Variants in CC2D1A observed in about 807,000 individuals in gnomAD.
CC2D1A encodes the protein coiled-coil and C2 domain containing 1A.
In CC2D1A, 68 loss-of-function variants were observed where a neutral mutation model predicts 123.8. That is an observed-to-expected ratio of 0.55 (90% CI 0.45 to 0.67). The LOEUF is 0.67. Ranked by LOEUF, CC2D1A falls within the 30% of genes least tolerant of loss-of-function variation. The probability of loss-of-function intolerance (pLI) is 0.00; values close to 1 mark genes in which losing one functional copy is unlikely to be tolerated. For synonymous variants in CC2D1A, 477 were observed against 528.0 expected (o/e 0.90, Z 1.32); for missense variants, 1,185 against 1,290.3 (o/e 0.92, Z 1.25).
rs1234572411 is a variant in CC2D1A, at chr19:13,930,403, A to G, written c.*8A>G. 1.2e-6 allele frequency: 2 copies of G among 1,605,720 alleles called. No individual in the cohort carries two copies. Among genetic ancestry groups the G allele is most frequent in the Admixed American group, 1.7e-5 (1 of 59,022 alleles). On this transcript the variant is annotated 3_prime_UTR_variant, in exon 29 of 29. Coordinates refer to ENST00000318003, the MANE Select transcript of CC2D1A (RefSeq NM_017721.5). The surrounding 1 kb of genome is among the most constrained non-coding windows in gnomAD (Gnocchi z 6.8). ...CAGCGGCTCCGCAGGTGAGGAGCCC[A>G]TGGGGCGGGCAGCCCCCAGAAAGCG...
rs1044802547 is a variant in CC2D1A, at chr19:13,920,034, G to A, written c.1356+83G>A. 17 of 1,414,208 alleles carry A rather than the reference G, an allele frequency of 1.2e-5. No individual in the cohort carries two copies. The African/African-American group carries it at 2.2e-4, about 18-fold the overall frequency. 87.6% of individuals were successfully genotyped at this position (1,414,208 alleles called of 1,614,324 possible). On this transcript the variant is annotated intron_variant, in intron 12 of 28. Coordinates refer to ENST00000318003, the MANE Select transcript of CC2D1A (RefSeq NM_017721.5). ...ATCCAAGATGGGAGGATCGCTTGAGGCCAGGAGTTTGAGACCATCCTGGGC... is the reference window on the plus strand; with the variant it reads ...ATCCAAGATGGGAGGATCGCTTGAGACCAGGAGTTTGAGACCATCCTGGGC...
At position 13,913,249 on chromosome 19, in the gene CC2D1A, G is replaced by T. The variant is rs202025962; in HGVS notation, c.460G>T (p.Ala154Ser). ...LALYQTAIESARQAGDSAKMR... is the reference protein window; with the variant it reads ...LALYQTAIESSRQAGDSAKMR... ...GCTCTATCAGACAGCAATTGAAAGC[G>T]CCAGACAAGCTGGAGACAGCGCCAA... The change falls in exon 5 of 29, where the codon GCC becomes TCC. Residue 154 changes from alanine (A) to serine (S), a missense_variant. By Grantham distance (99) the Ala-to-Ser change is moderately conservative. Coordinates refer to ENST00000318003, the MANE Select transcript of CC2D1A (RefSeq NM_017721.5). The T allele has an allele frequency of 6.2e-7, 1 of 1,613,736 alleles. No homozygotes were observed. The highest frequency in any genetic ancestry group is 1.7e-5 in the Admixed American group (1 of 59,980).
rs368685699 is a variant in CC2D1A, at chr19:13,913,502, G to A, written c.612G>A (p.Thr204=). 6 of 1,614,038 alleles carry A rather than the reference G, an allele frequency of 3.7e-6. No homozygotes were observed. Among genetic ancestry groups the A allele is most frequent in the South Asian group, 2.2e-5 (2 of 91,086 alleles). ...PVAIGKGPAS[T]PTYSPAPTQP... is the part of the protein sequence containing the mutation. The stretch of plus-strand genomic sequence containing the variant: ...CCATAGGAAAAGGCCCGGCGTCCAC[G>A]CCTACCTACAGCCCTGCACCCACCC... Residue 204 remains threonine, a synonymous_variant, in exon 6 of 29, where the codon ACG becomes ACA. Transcript: ENST00000318003.
In CC2D1A at chr19:13,930,557, CG is replaced by C. The variant is rs1256239710; in HGVS notation, c.*165del. On this transcript the variant is annotated 3_prime_UTR_variant, in exon 29 of 29. Coordinates refer to ENST00000318003, the MANE Select transcript of CC2D1A (RefSeq NM_017721.5). The surrounding 1 kb of genome is among the most constrained non-coding windows in gnomAD (Gnocchi z 6.8). ...AGCCCCGCCAGAGCCTCCGTGGCTG[CG>C]GGTGTTGGGAACCATGCCTGCCAGC... 14 of 788,356 alleles carry C rather than the reference CG, an allele frequency of 1.8e-5. No homozygotes were observed. The East Asian group carries it at 3.8e-4, about 21-fold the overall frequency. The allele number at this position is 788,356 out of a possible 1,614,324, so 48.8% of individuals were successfully genotyped here.
At chr19:13,926,041 TATAC>T (rs764723930) in intron 17 of CC2D1A, among the ~76,000 whole-genome samples, 1,414 of 84,124 alleles carry the variant, frequency 0.017, 28 homozygotes, top group South Asian at 0.04. Flanking sequence ...TATATATATA[TATAC>T]ACGTATATAT....
In CC2D1A at chr19:13,906,621, C is replaced by T; in HGVS notation, c.60+120C>T. On this transcript the variant is annotated intron_variant, in intron 1 of 28. Coordinates refer to ENST00000318003, the MANE Select transcript of CC2D1A (RefSeq NM_017721.5). The surrounding 1 kb of genome is among the most constrained non-coding windows in gnomAD (Gnocchi z 4.1). ...CGCCCCACAGGTAAGCCCCGGTCCC[C>T]GCCTCCCCCCAGGTGAGGCTCCAAC... 1 of 577,420 alleles carries T rather than the reference C, an allele frequency of 1.7e-6. No homozygotes were observed. Among genetic ancestry groups the T allele is most frequent in the Non-Finnish European group, 2.9e-6 (1 of 350,842 alleles). 35.8% of individuals were successfully genotyped at this position (577,420 alleles called of 1,614,324 possible). A position where few individuals can be genotyped will look rare whatever the true frequency, so the allele number is the denominator to read the frequency against.
At chr19:13,920,398 A>AC in intron 12 of CC2D1A, 159 bp from the exon 13 acceptor site, 2 of 608,444 alleles carry the variant, frequency 3.3e-6, no homozygotes, top group South Asian at 3.9e-5. Context: ...AAAAAAAAAA[A>AC]GGTGTTTGGG....
At chr19:13,912,006 C>T (rs899813650) in intron 2 of CC2D1A, among the ~76,000 whole-genome samples, 4 of 151,880 alleles carry the variant, frequency 2.6e-5, no homozygotes, top group African/African-American at 7.3e-5. Context: ...TGAGCCACTG[C>T]GCCCAGCCTA....
Position 13,923,839 on chromosome 19 carries a change from CGTGGCCCCA to C in CC2D1A, c.1940+36_1940+44del, listed in dbSNP as rs1971500171. 1 of 1,556,420 alleles carries C rather than the reference CGTGGCCCCA, an allele frequency of 6.4e-7. No homozygotes were observed. Among genetic ancestry groups the C allele is most frequent in the Admixed American group, 1.7e-5 (1 of 59,816 alleles). On this transcript the variant is annotated intron_variant, in intron 17 of 28. Transcript: ENST00000318003. This position sits in a 1 kb window ranked among gnomAD's most constrained non-coding sequence, Gnocchi z 5.3. ...AAGGCTCCTGATCTACGCCCCACCA[CGTGGCCCCA>C]GTGGCCCTTTGGTGGCGGTGGGGCG...
Position 13,913,496 on chromosome 19 carries a change from G to A in CC2D1A, c.606G>A (p.Ala202=), listed in dbSNP as rs557346390. The A allele has an allele frequency of 1.1e-5, 17 of 1,614,176 alleles. No individual in the cohort carries two copies. The African/African-American group carries it at 1.7e-4, about 16-fold the overall frequency. ...CAGTGGCCATAGGAAAAGGCCCGGC[G>A]TCCACGCCTACCTACAGCCCTGCAC... ...PPPVAIGKGP[A]STPTYSPAPT... is the part of the protein sequence containing the mutation. Residue 202 remains alanine, a synonymous_variant, in exon 6 of 29, where the codon GCG becomes GCA. Coordinates refer to ENST00000318003, the MANE Select transcript of CC2D1A (RefSeq NM_017721.5).
chr19:13,918,357 G>GT, intron 7 of CC2D1A, 147 bp from the exon 8 acceptor site: 1 of 1,082,678 alleles, frequency 9.2e-7, no homozygotes, highest in Non-Finnish European at 1.3e-6. Flanking sequence ...AAATGGGCAC[G>GT]TGTGTTGGAA....
chr19:13,917,987 T>G (rs921278723), intron 6 of CC2D1A, 83 bp from the exon 7 acceptor site: 4 of 1,426,652 alleles, frequency 2.8e-6, no homozygotes. Flanking sequence ...AAAAAAAAAA[T>G]TAAATAAATA....
At chr19:13,926,038 ATATATACACGTATATATATG>A (rs1344818232) in intron 17 of CC2D1A, among the ~76,000 whole-genome samples, 4 of 90,202 alleles carry the variant, frequency 4.4e-5, no homozygotes, top group African/African-American at 1.3e-4. Flanking sequence ...GTATATATAT[ATATATACACGTATATATATG>A]TATATATACA....
At position 13,927,918 on chromosome 19, in the gene CC2D1A, G is replaced by A. The variant is rs77389229; in HGVS notation, c.2342G>A (p.Gly781Glu). The A allele has an allele frequency of 2.4e-4, 392 of 1,613,626 alleles. No homozygotes were observed. The highest frequency in any genetic ancestry group is 3.3e-4 in the Admixed American group (20 of 60,006). ...GTCCTGGATGGTCGCCGGCCCACAGGGGGGCGACTGGAGGTAATGGTCCGG... is the reference window on the plus strand; with the variant it reads ...GTCCTGGATGGTCGCCGGCCCACAGAGGGGCGACTGGAGGTAATGGTCCGG... ...LEVLDGRRPT[G>E]GRLEVMVRIR... Residue 781 changes from glycine to glutamate, a missense_variant, in exon 23 of 29, where the codon GGG (glycine) becomes GAG (glutamate). Transcript: ENST00000318003.
In CC2D1A at chr19:13,926,711, C is replaced by T. The variant is rs200599375; in HGVS notation, c.2059C>T (p.Pro687Ser). Residue 687 changes from proline (P) to serine (S), a missense_variant, in exon 19 of 29, where the codon CCC (proline) becomes TCC (serine). Pro to Ser is a moderately conservative substitution (Grantham distance 74). Coordinates refer to ENST00000318003, the MANE Select transcript of CC2D1A (RefSeq NM_017721.5). ...GGATGTCTTTGTTCGGTTTGACTTC[C>T]CCTATCCCAACGTGGTACGTGGGGA... ...DLDVFVRFDF[P>S]YPNVEEAQKD... 1.9e-6 allele frequency: 3 copies of T among 1,614,150 alleles called. No homozygotes were observed. Among genetic ancestry groups the T allele is most frequent in the Non-Finnish European group, 2.5e-6 (3 of 1,180,036 alleles).
chr19:13,912,003 C>T (rs1485507964), intron 2 of CC2D1A, among the ~76,000 whole-genome samples: 1 of 152,152 alleles, frequency 6.6e-6, no homozygotes, highest in East Asian at 1.9e-4. Context: ...GCGTGAGCCA[C>T]TGCGCCCAGC....
intron 17 of CC2D1A, among the ~76,000 whole-genome samples, chr19:13,925,280 A>C (rs1971551808): frequency 6.6e-6 from 1 of 152,152 alleles, no homozygotes; most frequent in Non-Finnish European, 1.5e-5. Flanking sequence ...GTAGGTGCTC[A>C]AGAAATATTG....
Position 13,920,867 on chromosome 19 carries a change from G to C in CC2D1A, c.1586G>C (p.Gly529Ala), listed in dbSNP as rs769765974. Residue 529 changes from glycine (G) to alanine (A), a missense_variant, in exon 14 of 29, where the codon GGA becomes GCA. Coordinates refer to ENST00000318003, the MANE Select transcript of CC2D1A (RefSeq NM_017721.5). ...GAKMHLRQAKGLEPMLEASRN... is the reference protein window; with the variant it reads ...GAKMHLRQAKALEPMLEASRN... ...AAGATGCACCTGCGCCAAGCCAAGG[G>C]ACTGGAGCCTATGCTGGAGGCCTCG... The C allele has an allele frequency of 6.2e-7, 1 of 1,614,134 alleles. No homozygotes were observed. Among genetic ancestry groups the C allele is most frequent in the Non-Finnish European group, 8.5e-7 (1 of 1,180,026 alleles).
chr19:13,930,278 G>A lies in CC2D1A; in HGVS notation c.2824G>A (p.Val942Ile). Reference protein sequence around the residue: ...AKEALYRRNLVESELQRLRR With the variant: ...AKEALYRRNLIESELQRLRR Reference sequence around the variant, plus strand: ...GGAGGCGCTCTATAGGCGGAATCTGGTAGAGAGTGAGGTAAGCAGCTTAGG... The same window carrying A: ...GGAGGCGCTCTATAGGCGGAATCTGATAGAGAGTGAGGTAAGCAGCTTAGG... Residue 942 changes from valine (V) to isoleucine (I), a missense_variant, in exon 28 of 29, where the codon GTA becomes ATA. Physicochemically the swap from Val to Ile is conservative, Grantham distance 29 (BLOSUM62 3). Transcript: ENST00000318003. This position sits in a 1 kb window ranked among gnomAD's most constrained non-coding sequence, Gnocchi z 6.8. 6.2e-7 allele frequency: 1 copy of A among 1,613,974 alleles called. No individual in the cohort carries two copies. The highest frequency in any genetic ancestry group is 8.5e-7 in the Non-Finnish European group (1 of 1,179,902).
Sources: gnomAD v4.1 joint callset for allele counts (sites outside exome capture counted in the v4.1 genomes callset) on GRCh38, gnomAD v4.1.1 for gene constraint, Gnocchi (gnomAD v3.1) non-coding constraint, MANE v1.5 for transcripts, NCBI Gene and HGNC (gene_info 2026-07-23, HGNC 2026-07-21) for gene names.